Variants in PDZD2 observed in about 807,000 individuals in gnomAD.
The protein encoded by PDZD2 is PDZ domain-containing protein 2.
Under a neutral mutation model 220.7 loss-of-function variants are expected in PDZD2, and 90 were observed. The ratio of observed to expected loss-of-function variants is 0.41; its 90% confidence interval spans 0.34 to 0.49. The LOEUF (loss-of-function observed/expected upper bound fraction) is 0.49, where lower values mean the gene tolerates loss of function less well. PDZD2 is among the 20% of genes least tolerant of loss of function. The pLI, the probability that PDZD2 is intolerant of heterozygous loss-of-function variation, is 0.28. For synonymous variants in PDZD2, 1,375 were observed against 1,450.5 expected (o/e 0.95, Z 1.18); for missense variants, 3,174 against 3,608.5 (o/e 0.88, Z 3.08).
At chr5:31,951,535 G>A (rs1747185013) in intron 2 of PDZD2, among the ~76,000 whole-genome samples, 1 of 152,198 alleles carries the variant, frequency 6.6e-6, no homozygotes. Flanking sequence ...GAATCATACA[G>A]TTTGTAGCTA....
intron 12 of PDZD2, among the ~76,000 whole-genome samples, chr5:32,058,643 T>C (rs989384543): frequency 8.0e-5 from 11 of 137,632 alleles, no homozygotes; most frequent in South Asian, 4.5e-4. Flanking sequence ...CACTGCACTC[T>C]AGCCTGGGCA....
chr5:31,732,334 G>T (rs906425607), intron 1 of PDZD2, among the ~76,000 whole-genome samples: 7 of 152,174 alleles, frequency 4.6e-5, no homozygotes, highest in African/African-American at 1.7e-4. Flanking sequence ...GTGACTCAAT[G>T]ATGTCATCTC....
At chr5:31,978,382 A>T (rs1351653374) in intron 2 of PDZD2, among the ~76,000 whole-genome samples, 1 of 152,200 alleles carries the variant, frequency 6.6e-6, no homozygotes, top group African/African-American at 2.4e-5. Context: ...TTAAATACAC[A>T]TGGATGGAGA....
chr5:31,945,918 GT>G (rs1376330472), intron 2 of PDZD2, among the ~76,000 whole-genome samples: 2 of 152,178 alleles, frequency 1.3e-5, no homozygotes, highest in Non-Finnish European at 2.9e-5. Context: ...CCCCAAGAGT[GT>G]TCATCTTAGC....
At chr5:31,948,953 G>T (rs1746913553) in intron 2 of PDZD2, among the ~76,000 whole-genome samples, 1 of 151,924 alleles carries the variant, frequency 6.6e-6, no homozygotes, top group Admixed American at 6.6e-5. Context: ...ACAAAAATTA[G>T]CTGGGAGTAG....
At position 31,731,219 on chromosome 5, in the gene PDZD2, G is replaced by A. The variant is rs929254917; in HGVS notation, c.-360-67670G>A. ...TTTCCAAATCCAGGAAACGGCTGTG[G>A]TTAAGAGGTTAAGAGGCCCAGAATG... is the stretch of plus-strand genomic sequence containing the variant. On this transcript the variant is annotated intron_variant, in intron 1 of 24. Coordinates refer to ENST00000438447, the MANE Select transcript of PDZD2 (RefSeq NM_178140.4). Among the ~76,000 whole-genome samples the A allele has an allele frequency of 2.0e-5, 3 of 152,262 alleles. No individual in the cohort carries two copies. In the East Asian group the frequency reaches 5.8e-4, roughly 29 times the overall value.
chr5:31,776,812 C>T (rs2150204085), intron 1 of PDZD2, among the ~76,000 whole-genome samples: 1 of 111,446 alleles, frequency 9.0e-6, no homozygotes, highest in Middle Eastern at 5.2e-3. Flanking sequence ...CCCTACCCTG[C>T]TTGGTTAATT....
At chr5:32,044,433 G>A (rs1737731068) in intron 7 of PDZD2, among the ~76,000 whole-genome samples, 2 of 152,168 alleles carry the variant, frequency 1.3e-5, no homozygotes, top group Admixed American at 6.5e-5. Flanking sequence ...AGAGGTACAG[G>A]GAGTGGAAGT....
At chr5:31,769,765 G>T (rs896330183) in intron 1 of PDZD2, among the ~76,000 whole-genome samples, 6 of 152,212 alleles carry the variant, frequency 3.9e-5, no homozygotes, top group Admixed American at 3.3e-4. Context: ...AGAGTTACAG[G>T]ACTTGGGTTG....
intron 1 of PDZD2, among the ~76,000 whole-genome samples, chr5:31,665,969 T>C (rs1428710072): frequency 6.6e-6 from 1 of 152,166 alleles, no homozygotes; most frequent in Non-Finnish European, 1.5e-5. Flanking sequence ...ACACGTTCAA[T>C]TTTCCAATAG....
chr5:32,003,348 CA>C, intron 5 of PDZD2, among the ~76,000 whole-genome samples: 1 of 47,248 alleles, frequency 2.1e-5, no homozygotes, highest in African/African-American at 9.4e-5. Flanking sequence ...ACCACACACA[CA>C]CCACACACCA....
intron 2 of PDZD2, among the ~76,000 whole-genome samples, chr5:31,809,562 G>A (rs1754967642): frequency 2.0e-5 from 3 of 152,212 alleles, no homozygotes; most frequent in Admixed American, 2.0e-4. Flanking sequence ...GGATGACAGA[G>A]GGGAGTTATT....
intron 15 of PDZD2, 73 bp from the exon 16 acceptor site, chr5:32,071,311 A>C (rs574762430): frequency 1.9e-6 from 2 of 1,056,998 alleles, no homozygotes; most frequent in Non-Finnish European, 3.0e-6. Flanking sequence ...CTCCTTTTCT[A>C]GTTAAGGATG....
In PDZD2 at chr5:31,797,890, G is replaced by A. The variant is rs551417235; in HGVS notation, c.-360-999G>A. Among the ~76,000 whole-genome samples, 14 of 152,244 alleles carry A rather than the reference G, an allele frequency of 9.2e-5. No homozygotes were observed. In the South Asian group the frequency reaches 1.0e-3, roughly 11 times the overall value. On this transcript the variant is annotated intron_variant, in intron 1 of 24. Transcript: ENST00000438447. ...GAATGTTTTCCACGTTGGATGGCAC[G>A]GTTTATATTGATTTTCTCTGGGAGA...
At chr5:31,828,473 T>A (rs972736566) in intron 2 of PDZD2, among the ~76,000 whole-genome samples, 1 of 152,218 alleles carries the variant, frequency 6.6e-6, no homozygotes, top group Admixed American at 6.5e-5. Flanking sequence ...CCTTTGTATA[T>A]CTTTGGAGAG....
intron 1 of PDZD2, among the ~76,000 whole-genome samples, chr5:31,783,218 G>A (rs1561456151): frequency 6.6e-6 from 1 of 152,090 alleles, no homozygotes; most frequent in Non-Finnish European, 1.5e-5. Context: ...TGTTTATCTT[G>A]TGGAACTTGG....
intron 2 of PDZD2, among the ~76,000 whole-genome samples, chr5:31,886,088 A>AG (rs1740443004): frequency 6.6e-6 from 1 of 152,084 alleles, no homozygotes; most frequent in African/African-American, 2.4e-5. Flanking sequence ...TAGTAGAGAC[A>AG]GGGTTTCACC....
chr5:31,853,783 G>A (rs1758198533), intron 2 of PDZD2, among the ~76,000 whole-genome samples: 1 of 152,166 alleles, frequency 6.6e-6, no homozygotes, highest in South Asian at 2.1e-4. Flanking sequence ...GTGGGACTGG[G>A]GTGTGACTTA....
At position 31,820,489 on chromosome 5, in the gene PDZD2, T is replaced by C. The variant is rs1755770676; in HGVS notation, c.476+20765T>C. ...ATCACTGATAATTTAGGTAAGCATG[T>C]TCTTTCTGTCCTTGCCAGTCTGTCA... On this transcript the variant is annotated intron_variant, in intron 2 of 24. Coordinates refer to ENST00000438447, the MANE Select transcript of PDZD2 (RefSeq NM_178140.4). The C allele has an allele frequency of 2.0e-5, 3 of 152,254 alleles. No individual in the cohort carries two copies. In the South Asian group the frequency reaches 6.2e-4, roughly 31 times the overall value. The allele number at this position is 152,254 out of a possible 1,614,324, so 9.4% of individuals were successfully genotyped here.
Sources: gnomAD v4.1 joint callset for allele counts (sites outside exome capture counted in the v4.1 genomes callset) on GRCh38, gnomAD v4.1.1 for gene constraint, MANE v1.5 for transcripts, NCBI Gene and HGNC (gene_info 2026-07-23, HGNC 2026-07-21) for gene names.